GSAP: variants seen among roughly 807,000 people sequenced by gnomAD.
GSAP encodes gamma-secretase-activating protein.
In GSAP, 118 loss-of-function variants were observed where a neutral mutation model predicts 131.7. That is an observed-to-expected ratio of 0.90 (90% CI 0.77 to 1.04). GSAP has a LOEUF of 1.04. GSAP is among the 50% of genes least tolerant of loss of function. The probability of loss-of-function intolerance (pLI) is 0.00; values close to 1 mark genes in which losing one functional copy is unlikely to be tolerated. For synonymous variants in GSAP, 381 were observed against 363.4 expected (o/e 1.05, Z -0.55); for missense variants, 1,019 against 1,013.2 (o/e 1.01, Z -0.08).
At position 77,374,164 on chromosome 7, in the gene GSAP, A is replaced by G. The variant is rs749603484; in HGVS notation, c.786-9T>C. On this transcript the variant is annotated splice_polypyrimidine_tract_variant and intron_variant, in intron 11 of 30. Transcript: ENST00000257626. ...ATCCAAAGTTGACAAGTCTAAGAAC[A>G]TAAAGAATGAGAAATTATTGAATGC... The G allele has an allele frequency of 1.4e-6, 2 of 1,436,538 alleles. No individual in the cohort carries two copies. The highest frequency in any genetic ancestry group is 1.9e-5 in the Admixed American group (1 of 52,400). The allele number at this position is 1,436,538 out of a possible 1,614,324, so 89.0% of individuals were successfully genotyped here.
chr7:77,330,095 T>C (rs1788872841), intron 20 of GSAP, 144 bp downstream of exon 20: 2 of 949,550 alleles, frequency 2.1e-6, no homozygotes, highest in Non-Finnish European at 3.0e-6. Context: ...CTCTGCCCAT[T>C]GAGATCAGTA....
chr7:77,322,604 T>TTTTTTA (rs1554375095), intron 24 of GSAP, among the ~76,000 whole-genome samples: 2 of 138,678 alleles, frequency 1.4e-5, no homozygotes, highest in African/African-American at 2.7e-5. Context: ...TTTTTTTTTT[T>TTTTTTA]AAAGCAAGTT....
At chr7:77,355,523 C>CCA (rs1410372861) in intron 15 of GSAP, 32 bp downstream of exon 15, 20 of 1,536,184 alleles carry the variant, frequency 1.3e-5, no homozygotes, top group Non-Finnish European at 1.8e-5. Flanking sequence ...CTCAAATGGG[C>CCA]CACCTCTACA....
At chr7:77,414,844 CTTTTTTTTTTTTTTTTT>C (rs57095326) in intron 1 of GSAP, among the ~76,000 whole-genome samples, 2 of 59,858 alleles carry the variant, frequency 3.3e-5, no homozygotes, top group Non-Finnish European at 5.6e-5. Context: ...ATGTGGGCGA[CTTTTTTTTTTTTTTTTT>C]TTTTTTTTTT....
At chr7:77,342,205 C>G (rs956688446) in intron 19 of GSAP, among the ~76,000 whole-genome samples, 1 of 152,182 alleles carries the variant, frequency 6.6e-6, no homozygotes, top group African/African-American at 2.4e-5. Context: ...GCCTCCTGGA[C>G]CATCACAGAT....
At chr7:77,370,896 A>C (rs1380849516) in intron 12 of GSAP, among the ~76,000 whole-genome samples, 1 of 152,184 alleles carries the variant, frequency 6.6e-6, no homozygotes, top group African/African-American at 2.4e-5. Context: ...GCCTTCAGCT[A>C]CTACAATACC....
chr7:77,386,891 G>A (rs1798654885), intron 6 of GSAP, among the ~76,000 whole-genome samples: 1 of 152,144 alleles, frequency 6.6e-6, no homozygotes, highest in African/African-American at 2.4e-5. Flanking sequence ...TTTAATTTAG[G>A]GGTTACAAAT....
intron 28 of GSAP, 37 bp from the exon 29 acceptor site, chr7:77,312,239 C>A (rs1267948028): frequency 1.1e-6 from 1 of 949,912 alleles, no homozygotes; most frequent in Non-Finnish European, 1.6e-6. Flanking sequence ...GCGAATACCA[C>A]ACACTATATT....
At chr7:77,349,639 A>G (rs1034031851) in intron 18 of GSAP, among the ~76,000 whole-genome samples, 3 of 152,024 alleles carry the variant, frequency 2.0e-5, no homozygotes, top group African/African-American at 7.2e-5. Flanking sequence ...GGGTCTCTAA[A>G]GTAAAGGAAA....
At chr7:77,347,752 C>T (rs1792126149) in intron 19 of GSAP, among the ~76,000 whole-genome samples, 1 of 151,876 alleles carries the variant, frequency 6.6e-6, no homozygotes, top group Admixed American at 6.6e-5. Flanking sequence ...ATACCTATAA[C>T]AAAGGCCAAG....
intron 19 of GSAP, among the ~76,000 whole-genome samples, chr7:77,339,760 C>T (rs974000232): frequency 1.3e-5 from 2 of 152,156 alleles, no homozygotes; most frequent in Non-Finnish European, 2.9e-5. Flanking sequence ...AAAAAAGAAG[C>T]GACTTTGTTC....
At chr7:77,397,178 G>A (rs924748438) in intron 4 of GSAP, 143 bp from the exon 5 acceptor site, 1 of 683,004 alleles carries the variant, frequency 1.5e-6, no homozygotes, top group Non-Finnish European at 2.5e-6. Flanking sequence ...ATTCTTTTTT[G>A]TAGGTATATC....
chr7:77,386,786 C>T (rs2151069103), intron 6 of GSAP, among the ~76,000 whole-genome samples: 1 of 152,300 alleles, frequency 6.6e-6, no homozygotes, highest in African/African-American at 2.4e-5. Context: ...AGGGCATCAC[C>T]GTGTTCAACC....
At chr7:77,386,101 C>T (rs186079594) in intron 6 of GSAP, among the ~76,000 whole-genome samples, 80 of 152,064 alleles carry the variant, frequency 5.3e-4, no homozygotes, top group African/African-American at 1.8e-3. Flanking sequence ...AGACACAATC[C>T]CAAATGCCAT....
At chr7:77,344,906 C>T (rs142241099) in intron 19 of GSAP, among the ~76,000 whole-genome samples, 1,907 of 152,182 alleles carry the variant, frequency 0.013, 37 homozygotes, top group African/African-American at 0.044. Context: ...CCTCCAAAAT[C>T]GCTGAGGCCT....
chr7:77,401,238 A>G (rs577185523), intron 3 of GSAP, among the ~76,000 whole-genome samples: 1 of 152,310 alleles, frequency 6.6e-6, no homozygotes, highest in East Asian at 1.9e-4. Flanking sequence ...TACAGATTCA[A>G]TAAGCGGAGT....
intron 19 of GSAP, among the ~76,000 whole-genome samples, chr7:77,341,770 C>A (rs922376215): frequency 6.6e-6 from 1 of 152,196 alleles, no homozygotes; most frequent in Non-Finnish European, 1.5e-5. Context: ...AACCCCATAA[C>A]AGGACTTAAC....
chr7:77,405,739 A>G (rs1802151207), intron 2 of GSAP, among the ~76,000 whole-genome samples: 1 of 152,150 alleles, frequency 6.6e-6, no homozygotes, highest in Admixed American at 6.5e-5. Flanking sequence ...GGGTTTTGCC[A>G]TGTTGGCAAG....
chr7:77,338,650 T>C (rs1443362565), intron 19 of GSAP, among the ~76,000 whole-genome samples: 1 of 152,164 alleles, frequency 6.6e-6, no homozygotes, highest in African/African-American at 2.4e-5. Context: ...GGAGGGCAAG[T>C]TGGCTCTGTG....
Sources: allele counts gnomAD v4.1 joint callset (sites outside exome capture counted in the v4.1 genomes callset), GRCh38; gene constraint gnomAD v4.1.1; transcripts MANE v1.5; gene names NCBI Gene and HGNC (gene_info 2026-07-23, HGNC 2026-07-21).